Variants in ENTREP1 observed in about 807,000 individuals in gnomAD.
ENTREP1 encodes the protein endosomal transmembrane epsin interactor 1, also known as Friedreich ataxia region gene X123.
the ENTREP1 span, among the ~76,000 whole-genome samples, chr9:69,347,808 G>T: frequency 6.6e-6 from 1 of 152,176 alleles, no homozygotes. Flanking sequence ...CCTAAGCTCT[G>T]CTTGTTCAAG....
At chr9:69,380,940 C>G in the ENTREP1 span, 2 of 152,272 alleles carry the variant, frequency 1.3e-5, no homozygotes, top group Non-Finnish European at 2.9e-5. Context: ...AGTCAGTGCT[C>G]AGCTGTAGAG....
the ENTREP1 span, among the ~76,000 whole-genome samples, chr9:69,340,788 C>A: frequency 5.5e-5 from 2 of 36,436 alleles, no homozygotes; most frequent in South Asian, 8.3e-4. Flanking sequence ...TGTGTGTGTG[C>A]ATGTGTGTGT....
the ENTREP1 span, among the ~76,000 whole-genome samples, chr9:69,358,789 G>A: frequency 2.0e-5 from 3 of 151,416 alleles, no homozygotes; most frequent in African/African-American, 7.3e-5. Context: ...AAAAATATAT[G>A]TTATTTCTGA....
At chr9:69,377,797 G>A in the ENTREP1 span, 9 of 1,544,796 alleles carry the variant, frequency 5.8e-6, no homozygotes, top group Non-Finnish European at 7.9e-6. Flanking sequence ...GGGTTCTGAA[G>A]ACTGAAGTGT....
At chr9:69,341,209 G>GGGATAA in the ENTREP1 span, among the ~76,000 whole-genome samples, 3 of 151,966 alleles carry the variant, frequency 2.0e-5, no homozygotes, top group African/African-American at 7.3e-5. Context: ...TCAATTAGAT[G>GGGATAA]GGATAAGTAT....
the ENTREP1 span, among the ~76,000 whole-genome samples, chr9:69,375,234 G>C: frequency 6.6e-6 from 1 of 152,208 alleles, no homozygotes; most frequent in Non-Finnish European, 1.5e-5. Context: ...GAATGGACTT[G>C]TTTGGGAAGG....
chr9:69,348,316 C>T, the ENTREP1 span, among the ~76,000 whole-genome samples: 3 of 152,054 alleles, frequency 2.0e-5, no homozygotes, highest in South Asian at 2.1e-4. Flanking sequence ...GACAGGGTTT[C>T]ACCATGTTGC....
chr9:69,385,288 A>G, the ENTREP1 span, among the ~76,000 whole-genome samples: 180 of 152,320 alleles, frequency 1.2e-3, no homozygotes, highest in African/African-American at 4.2e-3. Flanking sequence ...TTTCATGAGC[A>G]TAAATTATCC....
At chr9:69,355,681 G>A in the ENTREP1 span, among the ~76,000 whole-genome samples, 13 of 152,296 alleles carry the variant, frequency 8.5e-5, no homozygotes, top group Middle Eastern at 3.4e-3. Flanking sequence ...CCTGTTTGGC[G>A]TCTCTCATGT....
At chr9:69,351,751 C>A in the ENTREP1 span, among the ~76,000 whole-genome samples, 1 of 152,178 alleles carries the variant, frequency 6.6e-6, no homozygotes, top group African/African-American at 2.4e-5. Context: ...TTGCTCTGTT[C>A]TTTCCTTGTA....
the ENTREP1 span, among the ~76,000 whole-genome samples, chr9:69,368,757 C>G: frequency 6.6e-6 from 1 of 152,072 alleles, no homozygotes; most frequent in Non-Finnish European, 1.5e-5. Flanking sequence ...TAGAATTTGG[C>G]AGTGGCTTCA....
chr9:69,366,035 A>G, the ENTREP1 span, among the ~76,000 whole-genome samples: 1 of 152,086 alleles, frequency 6.6e-6, no homozygotes, highest in Non-Finnish European at 1.5e-5. Context: ...TTTCTTTTCC[A>G]TAAATATCCA....
At chr9:69,383,022 C>T in the ENTREP1 span, 17 of 983,766 alleles carry the variant, frequency 1.7e-5, no homozygotes, top group Admixed American at 3.7e-4. Context: ...TTTCTGTCAA[C>T]GTTGGTGAAA....
chr9:69,333,110 G>GTA, the ENTREP1 span, among the ~76,000 whole-genome samples: 1 of 152,018 alleles, frequency 6.6e-6, no homozygotes, highest in Non-Finnish European at 1.5e-5. Context: ...CTGTGAGTGT[G>GTA]TATATATACA....
the ENTREP1 span, among the ~76,000 whole-genome samples, chr9:69,331,902 G>T: frequency 2.6e-5 from 4 of 152,128 alleles, no homozygotes; most frequent in Non-Finnish European, 5.9e-5. Context: ...ATTGTTAAGG[G>T]ACCTTCTTGG....
chr9:69,384,012 A>G, the ENTREP1 span: 1 of 1,609,680 alleles, frequency 6.2e-7, no homozygotes, highest in Non-Finnish European at 8.5e-7. Flanking sequence ...TGGGCTGCAC[A>G]CAAGTGACTC....
chr9:69,371,095 TC>T, the ENTREP1 span, among the ~76,000 whole-genome samples: 1 of 152,174 alleles, frequency 6.6e-6, no homozygotes, highest in African/African-American at 2.4e-5. Flanking sequence ...GGCTCTGAGC[TC>T]CTTCATGTCC....
chr9:69,390,759 C>A, the ENTREP1 span, among the ~76,000 whole-genome samples: 4 of 152,054 alleles, frequency 2.6e-5, no homozygotes, highest in African/African-American at 9.7e-5. Context: ...CCTGCCTCAG[C>A]CTCTCAGGTA....
At chr9:69,377,863 T>G in the ENTREP1 span, 1 of 1,178,670 alleles carries the variant, frequency 8.5e-7, no homozygotes, top group Non-Finnish European at 1.2e-6. Flanking sequence ...AAAGAAAAAT[T>G]TTTCCTGACT....
Sources: gnomAD v4.1 joint callset for allele counts (sites outside exome capture counted in the v4.1 genomes callset) on GRCh38, gnomAD v4.1.1 for gene constraint, MANE v1.5 for transcripts, NCBI Gene and HGNC (gene_info 2026-07-23, HGNC 2026-07-21) for gene names.